EYS: variants seen among roughly 807,000 people sequenced by gnomAD.
EYS encodes protein eyes shut homolog.
A neutral mutation model predicts 282.1 loss-of-function variants in EYS; 250 were observed. The observed-to-expected ratio is 0.89, with a 90% CI of 0.80 to 0.98. The LOEUF (loss-of-function observed/expected upper bound fraction) is 0.98. Among genes scored for constraint, EYS ranks in the 50% least tolerant of loss-of-function variants. EYS has a pLI of 0.00. For missense variants in EYS, 4,016 were observed against 3,709.0 expected (o/e 1.08, Z -2.15); for synonymous variants, 1,355 against 1,282.9 (o/e 1.06, Z -1.20).
intron 12 of EYS, among the ~76,000 whole-genome samples, chr6:65,097,477 T>A (rs1246923833): frequency 1.4e-4 from 21 of 150,954 alleles, no homozygotes; most frequent in Non-Finnish European, 7.4e-5. Flanking sequence ...TACCACATGA[T>A]TCAGAAATCT....
At chr6:65,241,373 A>C (rs1382109479) in intron 12 of EYS, among the ~76,000 whole-genome samples, 1 of 152,108 alleles carries the variant, frequency 6.6e-6, no homozygotes, top group Non-Finnish European at 1.5e-5. Context: ...CCCTGTGTTA[A>C]GTATAGGCTT....
At chr6:65,505,329 C>G (rs1308663508) in intron 2 of EYS, among the ~76,000 whole-genome samples, 1 of 151,600 alleles carries the variant, frequency 6.6e-6, no homozygotes, top group Non-Finnish European at 1.5e-5. Context: ...AGAGTCTTTA[C>G]CAATTTTATT....
chr6:65,311,525 C>T (rs1769159902), intron 11 of EYS, among the ~76,000 whole-genome samples: 1 of 152,102 alleles, frequency 6.6e-6, no homozygotes, highest in Non-Finnish European at 1.5e-5. Context: ...GCAGAGTTTC[C>T]ATCCTTTTCA....
chr6:64,611,217 T>C (rs1365685782), intron 24 of EYS, among the ~76,000 whole-genome samples: 1 of 152,178 alleles, frequency 6.6e-6, no homozygotes, highest in Non-Finnish European at 1.5e-5. Context: ...TTATTTCTTA[T>C]GGCTATTTTA....
chr6:65,574,686 A>C (rs902057247), intron 2 of EYS, among the ~76,000 whole-genome samples: 3 of 152,168 alleles, frequency 2.0e-5, no homozygotes, highest in African/African-American at 7.2e-5. Context: ...TCAATACTCC[A>C]CTTTCAAAGA....
Position 63,970,100 on chromosome 6 carries a change from G to A in EYS, c.7055+14283C>T, listed in dbSNP as rs1766485986. ...CAGGTAGCTGAGAACTTTCCCTGGAGACATGGCGAGGTGGTGACAGTGGGA... is the reference window on the plus strand; with the variant it reads ...CAGGTAGCTGAGAACTTTCCCTGGAAACATGGCGAGGTGGTGACAGTGGGA... On this transcript the variant is annotated intron_variant, in intron 35 of 42. Transcript: ENST00000503581. Among the ~76,000 whole-genome samples, 3 of 152,222 alleles carry A rather than the reference G, an allele frequency of 2.0e-5. No individual in the cohort carries two copies. In the South Asian group the frequency reaches 6.2e-4, roughly 31 times the overall value.
chr6:65,417,174 T>G (rs145515256), intron 5 of EYS, among the ~76,000 whole-genome samples: 16 of 152,094 alleles, frequency 1.1e-4, no homozygotes, highest in African/African-American at 3.9e-4. Flanking sequence ...AAAGTTGTAG[T>G]AAAATTGCAA....
At chr6:63,839,205 C>T (rs1386786098) in intron 36 of EYS, among the ~76,000 whole-genome samples, 1 of 152,180 alleles carries the variant, frequency 6.6e-6, no homozygotes, top group Non-Finnish European at 1.5e-5. Flanking sequence ...TAACCTTTGG[C>T]TATCCCCCCT....
At chr6:63,759,282 T>C (rs1295637844) in intron 41 of EYS, among the ~76,000 whole-genome samples, 1 of 152,090 alleles carries the variant, frequency 6.6e-6, no homozygotes, top group Non-Finnish European at 1.5e-5. Flanking sequence ...ATATCTCCTT[T>C]TCACACATGA....
intron 13 of EYS, among the ~76,000 whole-genome samples, chr6:65,043,975 G>T (rs1455271681): frequency 6.6e-6 from 1 of 151,476 alleles, no homozygotes; most frequent in Non-Finnish European, 1.5e-5. Flanking sequence ...TTTTCATGAT[G>T]GTTTTACTAA....
rs150293116 is a variant in EYS, at chr6:63,781,121, T to C, written c.7724-2941A>G. Among the ~76,000 whole-genome samples the C allele has an allele frequency of 6.9e-3, 1,053 of 152,338 alleles. 15 individuals carry two copies. Among genetic ancestry groups the C allele is most frequent in the South Asian group, 0.023 (113 of 4,828 alleles). On this transcript the variant is annotated intron_variant, in intron 39 of 42. Coordinates refer to ENST00000503581, the MANE Select transcript of EYS (RefSeq NM_001142800.2). ...CCATTGGTCTATATCTCTGTTTTGG[T>C]AGCAGTACCATGCTGTTTTGGTTAC...
intron 35 of EYS, among the ~76,000 whole-genome samples, chr6:63,914,324 G>A (rs1351485800): frequency 2.0e-5 from 3 of 152,206 alleles, no homozygotes; most frequent in African/African-American, 7.2e-5. Flanking sequence ...TAGGTAGAAA[G>A]CTAGGCCTCT....
At chr6:65,678,816 C>CAAAAAAAA (rs34345454) in intron 1 of EYS, among the ~76,000 whole-genome samples, 2 of 144,520 alleles carry the variant, frequency 1.4e-5, no homozygotes. Context: ...TATACATCTC[C>CAAAAAAAA]AAAAAAAAAA....
At chr6:64,187,460 T>C (rs1464581389) in intron 31 of EYS, among the ~76,000 whole-genome samples, 1 of 152,118 alleles carries the variant, frequency 6.6e-6, no homozygotes, top group Non-Finnish European at 1.5e-5. Context: ...TTGGAAAACA[T>C]TTGAAATACA....
intron 12 of EYS, among the ~76,000 whole-genome samples, chr6:65,080,205 G>A (rs1387848610): frequency 6.6e-6 from 1 of 152,062 alleles, no homozygotes; most frequent in Non-Finnish European, 1.5e-5. Flanking sequence ...GCCCTCGACA[G>A]AACACGCCCA....
intron 31 of EYS, among the ~76,000 whole-genome samples, chr6:64,153,869 T>C (rs1190589996): frequency 6.6e-6 from 1 of 152,136 alleles, no homozygotes; most frequent in African/African-American, 2.4e-5. Context: ...TAGCGTTGCC[T>C]GTAAGGGGAA....
chr6:64,232,788 A>C (rs1490465732), intron 30 of EYS, among the ~76,000 whole-genome samples: 1 of 151,722 alleles, frequency 6.6e-6, no homozygotes, highest in Non-Finnish European at 1.5e-5. Context: ...AGTTTTATAA[A>C]TAATATAAGT....
intron 30 of EYS, among the ~76,000 whole-genome samples, chr6:64,278,554 A>T (rs1768195058): frequency 6.6e-6 from 1 of 152,150 alleles, no homozygotes; most frequent in Non-Finnish European, 1.5e-5. Flanking sequence ...TGTAATTAGG[A>T]ACCCTAAAAA....
rs57111776 is a variant in EYS at position 64,561,919 on chromosome 6, CAA to C, written c.5644+28302_5644+28303del. Among the ~76,000 whole-genome samples, 172 of 87,150 alleles carry C rather than the reference CAA, an allele frequency of 2.0e-3. 1 individual carries two copies. Among genetic ancestry groups the C allele is most frequent in the East Asian group, 5.5e-3 (16 of 2,926 alleles). The allele number at this position is 87,150 out of a possible 152,430, so 57.2% of individuals were successfully genotyped here. On this transcript the variant is annotated intron_variant, in intron 26 of 42. Coordinates refer to ENST00000503581, the MANE Select transcript of EYS (RefSeq NM_001142800.2). ...AACTATTATAAAATTCACATGGAACCAAAAAAAAAAAAAAAAAAAGAGCTCCA... is the reference window on the plus strand; with the variant it reads ...AACTATTATAAAATTCACATGGAACCAAAAAAAAAAAAAAAAAGAGCTCCA...
Sources: allele counts gnomAD v4.1 joint callset (sites outside exome capture counted in the v4.1 genomes callset), GRCh38; gene constraint gnomAD v4.1.1; transcripts MANE v1.5; gene names NCBI Gene and HGNC (gene_info 2026-07-23, HGNC 2026-07-21).